IQGAP2: variants seen among roughly 807,000 people sequenced by gnomAD.
IQGAP2 encodes the protein IQ motif containing GTPase activating protein 2.
A neutral mutation model predicts 201.3 loss-of-function variants in IQGAP2; 173 were observed. The ratio of observed to expected loss-of-function variants is 0.86; its 90% confidence interval spans 0.76 to 0.98. The LOEUF is 0.98. Ranked by LOEUF, IQGAP2 falls within the 50% of genes least tolerant of loss-of-function variation. The pLI is 0.00. For missense variants in IQGAP2, 1,687 were observed against 1,864.8 expected, an observed-to-expected ratio of 0.90 and a Z score of 1.76; for synonymous variants, 675 against 673.9, an observed-to-expected ratio of 1.00 and a Z score of -0.03.
At chr5:76,578,565 G>C (rs139385402) in intron 5 of IQGAP2, among the ~76,000 whole-genome samples, 27 of 152,292 alleles carry the variant, frequency 1.8e-4, no homozygotes, top group African/African-American at 6.5e-4. Flanking sequence ...GCCTGCCTCA[G>C]CTTCCCAGTG....
intron 13 of IQGAP2, chr5:76,616,073 G>A (rs1313831832): frequency 2.0e-5 from 3 of 152,664 alleles, no homozygotes; most frequent in Non-Finnish European, 4.4e-5. Flanking sequence ...GAAGCTCAAG[G>A]AAGGCAGAGG....
At chr5:76,640,048 A>T (rs1022160175) in intron 16 of IQGAP2, among the ~76,000 whole-genome samples, 2 of 152,228 alleles carry the variant, frequency 1.3e-5, no homozygotes, top group Non-Finnish European at 2.9e-5. Context: ...TATATCAAGC[A>T]TCAGTCTGTT....
At chr5:76,677,042 A>G in intron 27 of IQGAP2, 176 bp from the exon 28 acceptor site, 1 of 578,058 alleles carries the variant, frequency 1.7e-6, no homozygotes, top group East Asian at 2.9e-5. Flanking sequence ...ATATCCAGAA[A>G]CATGGATGCA....
intron 1 of IQGAP2, among the ~76,000 whole-genome samples, chr5:76,446,142 A>G (rs1753379133): frequency 3.3e-5 from 5 of 152,172 alleles, no homozygotes; most frequent in Admixed American, 2.6e-4. Flanking sequence ...TAGTGCTGCT[A>G]TGAACTTAGG....
intron 2 of IQGAP2, among the ~76,000 whole-genome samples, chr5:76,529,645 A>AATAATAATG (rs1759170363): frequency 7.5e-6 from 1 of 133,450 alleles, no homozygotes; most frequent in Non-Finnish European, 1.5e-5. Context: ...TAATAATAAT[A>AATAATAATG]ATAATAATAA....
chr5:76,545,354 GC>G (rs1743031788), intron 2 of IQGAP2, among the ~76,000 whole-genome samples: 1 of 152,130 alleles, frequency 6.6e-6, no homozygotes, highest in African/African-American at 2.4e-5. Context: ...ACCATGCCTA[GC>G]CTTGCCAAAG....
chr5:76,479,257 G>C (rs1755634296), intron 2 of IQGAP2, among the ~76,000 whole-genome samples: 1 of 152,170 alleles, frequency 6.6e-6, no homozygotes, highest in South Asian at 2.1e-4. Context: ...CCACTGCCTT[G>C]CACGGGGCCT....
At chr5:76,649,549 G>A (rs1752346842) in intron 17 of IQGAP2, among the ~76,000 whole-genome samples, 1 of 152,222 alleles carries the variant, frequency 6.6e-6, no homozygotes, top group African/African-American at 2.4e-5. Flanking sequence ...AGTTTTTAAA[G>A]TTGACAGTTG....
chr5:76,435,429 C>T (rs938686620), intron 1 of IQGAP2, among the ~76,000 whole-genome samples: 3 of 152,090 alleles, frequency 2.0e-5, no homozygotes, highest in African/African-American at 7.2e-5. Context: ...CCAGTTTCCC[C>T]AGTTCCGATT....
At chr5:76,688,372 C>T (rs1433012757) in intron 30 of IQGAP2, among the ~76,000 whole-genome samples, 1 of 152,206 alleles carries the variant, frequency 6.6e-6, no homozygotes, top group Non-Finnish European at 1.5e-5. Flanking sequence ...GAGGCCCCCA[C>T]AGTAGCAGAA....
At chr5:76,455,424 G>A (rs1754017239) in intron 1 of IQGAP2, among the ~76,000 whole-genome samples, 1 of 137,306 alleles carries the variant, frequency 7.3e-6, no homozygotes, top group Non-Finnish European at 1.5e-5. Context: ...CTGCACTCCA[G>A]CCTGGGCAAC....
At chr5:76,675,708 C>T (rs758777546) in intron 27 of IQGAP2, among the ~76,000 whole-genome samples, 10 of 152,164 alleles carry the variant, frequency 6.6e-5, no homozygotes, top group Admixed American at 2.6e-4. Context: ...TCTCATTCCT[C>T]GGTCTCCCTT....
chr5:76,621,372 G>A (rs2150363577), intron 13 of IQGAP2, among the ~76,000 whole-genome samples: 1 of 152,310 alleles, frequency 6.6e-6, no homozygotes, highest in Non-Finnish European at 1.5e-5. Context: ...TTGGGAGGCA[G>A]CATTCTTCTA....
At chr5:76,674,747 A>G in intron 27 of IQGAP2, 38 bp downstream of exon 27, 5 of 1,413,970 alleles carry the variant, frequency 3.5e-6, no homozygotes, top group Non-Finnish European at 4.0e-6. Context: ...ACGTGCAAGA[A>G]TGGTAGGCAA....
At chr5:76,470,289 A>G (rs979234797) in intron 2 of IQGAP2, among the ~76,000 whole-genome samples, 7 of 152,162 alleles carry the variant, frequency 4.6e-5, no homozygotes, top group African/African-American at 1.7e-4. Flanking sequence ...CCCATCATTT[A>G]TGCTGTATCC....
chr5:76,409,820 C>T (rs1751009532), intron 1 of IQGAP2, among the ~76,000 whole-genome samples: 2 of 152,216 alleles, frequency 1.3e-5, no homozygotes, highest in South Asian at 4.1e-4. Context: ...CCTTACTGCT[C>T]TATTTTATTT....
intron 2 of IQGAP2, among the ~76,000 whole-genome samples, chr5:76,527,434 T>A (rs573986170): frequency 2.0e-5 from 3 of 152,158 alleles, no homozygotes; most frequent in Non-Finnish European, 4.4e-5. Flanking sequence ...GTGCCCCCCA[T>A]AGACCTCTCC....
intron 32 of IQGAP2, among the ~76,000 whole-genome samples, chr5:76,697,610 T>C (rs1048801855): frequency 2.0e-5 from 3 of 152,166 alleles, no homozygotes; most frequent in Non-Finnish European, 4.4e-5. Flanking sequence ...CACTCCAGCC[T>C]GGGTGACAGA....
chr5:76,663,581 A>G (rs1441068106), intron 21 of IQGAP2, among the ~76,000 whole-genome samples: 1 of 152,352 alleles, frequency 6.6e-6, no homozygotes, highest in Middle Eastern at 3.4e-3. Context: ...AGCATGTACC[A>G]TTAGTGAGAG....
Sources: gnomAD v4.1 joint callset for allele counts (sites outside exome capture counted in the v4.1 genomes callset) on GRCh38, gnomAD v4.1.1 for gene constraint, MANE v1.5 for transcripts, NCBI Gene and HGNC (gene_info 2026-07-23, HGNC 2026-07-21) for gene names.